The following NAALADL2 variants were observed in gnomAD, a reference collection of about 807,000 sequenced individuals.
NAALADL2 encodes inactive N-acetylated-alpha-linked acidic dipeptidase-like protein 2.
NAALADL2 carries 76 observed loss-of-function variants against 87.2 expected under a neutral mutation model. The observed-to-expected ratio is 0.87, with a 90% confidence interval of 0.72 to 1.05. The LOEUF (loss-of-function observed/expected upper bound fraction) is 1.05, where lower values mean the gene tolerates loss of function less well. NAALADL2 is among the 50% of genes least tolerant of loss of function. The probability of loss-of-function intolerance (pLI) is 0.00; values close to 1 mark genes in which losing one functional copy is unlikely to be tolerated. For missense variants in NAALADL2, 1,089 were observed against 945.8 expected (o/e 1.15, Z -1.99); for synonymous variants, 354 against 331.0 (o/e 1.07, Z -0.75).
intron 5 of NAALADL2, chr3:175,369,443 C>T (rs1329900624): frequency 2.2e-5 from 3 of 139,042 alleles, no homozygotes; most frequent in Non-Finnish European, 3.1e-5. Flanking sequence ...TGTACATATA[C>T]ATGTTACATT....
At chr3:174,745,107 C>A (rs1318560448) in intron 3 of NAALADL2, among the ~76,000 whole-genome samples, 1 of 151,758 alleles carries the variant, frequency 6.6e-6, no homozygotes, top group African/African-American at 2.4e-5. Flanking sequence ...CAGAGTGGAA[C>A]TGAAGGAGAT....
At chr3:174,500,242 A>G (rs1349413703) in intron 1 of NAALADL2, among the ~76,000 whole-genome samples, 1 of 152,154 alleles carries the variant, frequency 6.6e-6, no homozygotes. Flanking sequence ...GCATATAGAA[A>G]TATAGTTTTA....
chr3:174,477,171 G>C (rs578220898), intron 1 of NAALADL2, among the ~76,000 whole-genome samples: 2 of 151,970 alleles, frequency 1.3e-5, no homozygotes, highest in Non-Finnish European at 2.9e-5. Context: ...TTTGAAATGT[G>C]CATAAAATCT....
intron 1 of NAALADL2, among the ~76,000 whole-genome samples, chr3:175,074,856 G>A (rs4473588): frequency 0.17 from 25,075 of 151,716 alleles, 2,909 homozygotes; most frequent in African/African-American, 0.32. Context: ...TATTATGTTA[G>A]TTAAGTATTC....
chr3:175,039,713 T>C (rs1753822859), intron 1 of NAALADL2, among the ~76,000 whole-genome samples: 1 of 152,184 alleles, frequency 6.6e-6, no homozygotes, highest in South Asian at 2.1e-4. Flanking sequence ...TGTGGTGCTC[T>C]TAGTGTAGGA....
intron 8 of NAALADL2, 21 bp from the exon 9 acceptor site, chr3:175,471,618 C>CTT: frequency 9.7e-6 from 12 of 1,241,466 alleles, no homozygotes; most frequent in Non-Finnish European, 1.4e-5. Flanking sequence ...CAGATAGATC[C>CTT]TTTTTTTTTT....
chr3:174,723,521 C>T (rs932095784), intron 2 of NAALADL2, among the ~76,000 whole-genome samples: 5 of 151,986 alleles, frequency 3.3e-5, no homozygotes, highest in African/African-American at 9.6e-5. Flanking sequence ...TTTGGGATGC[C>T]GAGATGGGCG....
At chr3:175,657,731 C>T (rs1731673934) in intron 11 of NAALADL2, among the ~76,000 whole-genome samples, 1 of 150,148 alleles carries the variant, frequency 6.7e-6, no homozygotes, top group Non-Finnish European at 1.5e-5. Flanking sequence ...CAGGTGCCCG[C>T]CAACACGCCC....
At chr3:175,689,148 C>A (rs1736704699) in intron 11 of NAALADL2, among the ~76,000 whole-genome samples, 1 of 151,932 alleles carries the variant, frequency 6.6e-6, no homozygotes, top group Non-Finnish European at 1.5e-5. Flanking sequence ...TGAAAAATGG[C>A]TTTTATTAGA....
chr3:175,020,337 A>G (rs1245865187), intron 1 of NAALADL2, among the ~76,000 whole-genome samples: 1 of 152,072 alleles, frequency 6.6e-6, no homozygotes, highest in Non-Finnish European at 1.5e-5. Context: ...GATGAAAAGA[A>G]TGCTTACAGT....
chr3:175,497,614 C>T (rs937914531), intron 9 of NAALADL2, among the ~76,000 whole-genome samples: 1 of 152,012 alleles, frequency 6.6e-6, no homozygotes, highest in African/African-American at 2.4e-5. Flanking sequence ...GATAGATTAG[C>T]CAAACACTTA....
At chr3:175,409,574 G>A (rs186314861) in intron 5 of NAALADL2, among the ~76,000 whole-genome samples, 4 of 151,652 alleles carry the variant, frequency 2.6e-5, no homozygotes, top group African/African-American at 9.7e-5. Flanking sequence ...AGAAATCTAG[G>A]TGTAATTTAT....
rs1560020933 is a variant in NAALADL2 at position 174,508,113 on chromosome 3, G to GT, written c.-183-42456_-183-42455insT. On this transcript the variant is annotated intron_variant, in intron 1 of 3. Transcript: ENST00000434257. ...AAATTTTAGCTATTGGATATCTAGT[G>GT]GTTTTTTTTTTTTTTTTTGAGACGA... 9.5e-4 allele frequency among the ~76,000 whole-genome samples: 88 copies of GT among 92,958 alleles called. 2 individuals carry two copies. The highest frequency in any genetic ancestry group is 3.2e-3 in the African/African-American group (81 of 25,488). 61.0% of individuals were successfully genotyped at this position (92,958 alleles called of 152,430 possible).
chr3:175,687,481 G>A (rs931613564), intron 11 of NAALADL2, among the ~76,000 whole-genome samples: 2 of 152,062 alleles, frequency 1.3e-5, no homozygotes, highest in South Asian at 2.1e-4. Flanking sequence ...CATAACAGCC[G>A]CATTTAATCT....
intron 1 of NAALADL2, among the ~76,000 whole-genome samples, chr3:174,958,552 T>C (rs1741484955): frequency 6.6e-6 from 1 of 152,070 alleles, no homozygotes; most frequent in Admixed American, 6.6e-5. Flanking sequence ...AGTGATTCAA[T>C]AACTGATTAC....
At chr3:174,577,845 A>T (rs1715706097) in intron 2 of NAALADL2, among the ~76,000 whole-genome samples, 1 of 152,094 alleles carries the variant, frequency 6.6e-6, no homozygotes, top group Non-Finnish European at 1.5e-5. Context: ...TGACAAGAAC[A>T]TTAATACAGT....
intron 2 of NAALADL2, among the ~76,000 whole-genome samples, chr3:174,564,292 T>C (rs899828627): frequency 2.0e-5 from 3 of 152,096 alleles, no homozygotes; most frequent in Non-Finnish European, 4.4e-5. Context: ...TTACATCCTT[T>C]GGGAAAAAAC....
At chr3:175,744,840 G>C (rs950745255) in intron 12 of NAALADL2, among the ~76,000 whole-genome samples, 1 of 151,948 alleles carries the variant, frequency 6.6e-6, no homozygotes, top group Non-Finnish European at 1.5e-5. Flanking sequence ...CAGAATTCTT[G>C]TACTGTGTTA....
intron 2 of NAALADL2, among the ~76,000 whole-genome samples, chr3:174,614,115 C>G (rs989409598): frequency 6.6e-6 from 1 of 152,066 alleles, no homozygotes; most frequent in South Asian, 2.1e-4. Flanking sequence ...AGGAAAGGGC[C>G]TTTTTTAGAG....
Sources: gnomAD v4.1 joint callset for allele counts (sites outside exome capture counted in the v4.1 genomes callset) on GRCh38, gnomAD v4.1.1 for gene constraint, MANE v1.5 for transcripts, NCBI Gene and HGNC (gene_info 2026-07-23, HGNC 2026-07-21) for gene names.